Variants in CACNA2D3 observed in about 807,000 individuals in gnomAD.
CACNA2D3 encodes calcium voltage-gated channel auxiliary subunit alpha2delta 3.
A neutral mutation model predicts 160.6 loss-of-function variants in CACNA2D3; 60 were observed. The observed-to-expected ratio is 0.37, with a 90% confidence interval of 0.30 to 0.46. CACNA2D3 has a LOEUF of 0.46. CACNA2D3 is among the 20% of genes least tolerant of loss of function. The pLI, the probability that CACNA2D3 is intolerant of heterozygous loss-of-function variation, is 1.00. For synonymous variants in CACNA2D3, 558 were observed against 492.9 expected (o/e 1.13, Z -1.75); for missense variants, 1,205 against 1,365.0 (o/e 0.88, Z 1.85).
At chr3:54,774,707 T>G (rs1702393122) in intron 13 of CACNA2D3, among the ~76,000 whole-genome samples, 1 of 143,048 alleles carries the variant, frequency 7.0e-6, no homozygotes, top group Non-Finnish European at 1.5e-5. Context: ...CGATCTTGGC[T>G]CACTGCAACT....
intron 35 of CACNA2D3, among the ~76,000 whole-genome samples, chr3:55,064,557 C>T (rs1283898378): frequency 6.6e-6 from 1 of 152,194 alleles, no homozygotes; most frequent in African/African-American, 2.4e-5. Flanking sequence ...CACTCCTGTG[C>T]ATGCCCCATT....
chr3:54,631,295 G>A (rs551327111), intron 10 of CACNA2D3, among the ~76,000 whole-genome samples: 3 of 151,558 alleles, frequency 2.0e-5, no homozygotes, highest in Non-Finnish European at 2.9e-5. Flanking sequence ...CACTATATTT[G>A]TTTGAGTGCA....
At chr3:54,973,029 G>GT (rs1163245832) in intron 29 of CACNA2D3, among the ~76,000 whole-genome samples, 1 of 152,118 alleles carries the variant, frequency 6.6e-6, no homozygotes, top group African/African-American at 2.4e-5. Flanking sequence ...ATCAATTGTG[G>GT]TAAGTCCTGC....
At chr3:54,829,219 G>A (rs1246864292) in intron 14 of CACNA2D3, among the ~76,000 whole-genome samples, 2 of 152,182 alleles carry the variant, frequency 1.3e-5, no homozygotes, top group Non-Finnish European at 2.9e-5. Flanking sequence ...TTTCACCTGT[G>A]TTCTTCCTCC....
intron 27 of CACNA2D3, among the ~76,000 whole-genome samples, chr3:54,939,057 G>A (rs1701395276): frequency 6.6e-6 from 1 of 152,192 alleles, no homozygotes; most frequent in Non-Finnish European, 1.5e-5. Context: ...GGATAATGAG[G>A]CACTGTTATT....
chr3:54,811,451 G>A (rs988308808), intron 13 of CACNA2D3, among the ~76,000 whole-genome samples: 4 of 132,066 alleles, frequency 3.0e-5, no homozygotes, highest in Non-Finnish European at 6.3e-5. Context: ...TGCTGATCCT[G>A]TTCTCCCTCA....
intron 14 of CACNA2D3, among the ~76,000 whole-genome samples, chr3:54,833,499 C>T (rs1703924279): frequency 6.6e-6 from 1 of 151,662 alleles, no homozygotes; most frequent in African/African-American, 2.4e-5. Context: ...GTTGGGGGGC[C>T]ACAGAAAAGC....
At chr3:54,964,407 T>G (rs1702097450) in intron 27 of CACNA2D3, among the ~76,000 whole-genome samples, 1 of 124,470 alleles carries the variant, frequency 8.0e-6, no homozygotes, top group Non-Finnish European at 1.8e-5. Context: ...CCAGGAATGG[T>G]GATTTTTTTT....
At chr3:54,401,945 G>T (rs1390944069) in intron 4 of CACNA2D3, among the ~76,000 whole-genome samples, 1 of 152,088 alleles carries the variant, frequency 6.6e-6, no homozygotes, top group East Asian at 1.9e-4. Flanking sequence ...CATTAATTAA[G>T]AAATGCTTAA....
At position 54,451,229 on chromosome 3, in the gene CACNA2D3, C is replaced by CTTTTTTTTTTTTTTTTTTTTTT. The variant is rs71074970; in HGVS notation, c.382-52252_382-52231dup. Among the ~76,000 whole-genome samples, 4 of 51,754 alleles carry CTTTTTTTTTTTTTTTTTTTTTT rather than the reference C, an allele frequency of 7.7e-5. 2 individuals are homozygous for CTTTTTTTTTTTTTTTTTTTTTT. The highest frequency in any genetic ancestry group is 1.3e-4 in the Non-Finnish European group (4 of 31,614). The allele number at this position is 51,754 out of a possible 152,430, so 34.0% of individuals were successfully genotyped here. The stretch of plus-strand genomic sequence containing the variant: ...TGTCCCTTTCTGCTGATATAATAAT[C>CTTTTTTTTTTTTTTTTTTTTTT]TTTTTTTTTTTTTTTTTTTTTTTTT... On this transcript the variant is annotated intron_variant, in intron 4 of 37. Transcript: ENST00000474759.
At chr3:54,252,133 C>A (rs191915823) in intron 2 of CACNA2D3, among the ~76,000 whole-genome samples, 1 of 117,314 alleles carries the variant, frequency 8.5e-6, no homozygotes, top group Non-Finnish European at 1.6e-5. Flanking sequence ...CTCTCCGTCT[C>A]TCCCATTCCC....
chr3:54,668,824 T>G (rs991986348), intron 11 of CACNA2D3, among the ~76,000 whole-genome samples: 1 of 152,196 alleles, frequency 6.6e-6, no homozygotes, highest in Non-Finnish European at 1.5e-5. Context: ...AGGCATCTAG[T>G]CTCTGTCAGG....
intron 11 of CACNA2D3, among the ~76,000 whole-genome samples, chr3:54,676,003 C>T (rs954913658): frequency 3.3e-5 from 5 of 152,174 alleles, no homozygotes; most frequent in African/African-American, 1.2e-4. Flanking sequence ...GCAGAAATGG[C>T]CTTCTTTGAA....
intron 4 of CACNA2D3, among the ~76,000 whole-genome samples, chr3:54,409,979 G>T (rs1207137970): frequency 1.3e-5 from 2 of 152,204 alleles, no homozygotes; most frequent in African/African-American, 4.8e-5. Context: ...ATTGATGAAG[G>T]TGGCTATAGA....
At chr3:54,273,980 A>G (rs897277862) in intron 2 of CACNA2D3, among the ~76,000 whole-genome samples, 1 of 151,996 alleles carries the variant, frequency 6.6e-6, no homozygotes, top group Non-Finnish European at 1.5e-5. Context: ...CTAAGTGTGT[A>G]GGTCCTGTGA....
intron 11 of CACNA2D3, among the ~76,000 whole-genome samples, chr3:54,674,362 AGAGT>A (rs3030915): frequency 1 from 152,120 of 152,122 alleles, 76,059 homozygotes; most frequent in Middle Eastern, 1. Flanking sequence ...GTTGGAAGTT[AGAGT>A]GAGTGAGAAG....
In CACNA2D3 at chr3:54,852,828, A is replaced by G. The variant is rs116917231; in HGVS notation, c.1626+6361A>G. Among the ~76,000 whole-genome samples, 222 of 152,324 alleles carry G rather than the reference A, an allele frequency of 1.5e-3. 4 individuals are homozygous for G. The East Asian group carries it at 0.033, about 23-fold the overall frequency. On this transcript the variant is annotated intron_variant, in intron 17 of 37. Coordinates refer to ENST00000474759, the MANE Select transcript of CACNA2D3 (RefSeq NM_018398.3). ...AATGCTAACTAGACAGTGCACATCA[A>G]ACATCAGTTTAAATAAGGGTTTAAA...
chr3:54,823,369 A>G (rs1703683629), intron 14 of CACNA2D3, among the ~76,000 whole-genome samples: 1 of 151,364 alleles, frequency 6.6e-6, no homozygotes, highest in African/African-American at 2.4e-5. Flanking sequence ...ATTACATTTT[A>G]TTATTAACTT....
intron 11 of CACNA2D3, among the ~76,000 whole-genome samples, chr3:54,713,654 C>T (rs182438074): frequency 2.0e-5 from 3 of 152,266 alleles, no homozygotes; most frequent in Admixed American, 1.3e-4. Flanking sequence ...GTTCACACAA[C>T]GTAAGTGCTT....
Sources: gnomAD v4.1 joint callset for allele counts (sites outside exome capture counted in the v4.1 genomes callset) on GRCh38, gnomAD v4.1.1 for gene constraint, MANE v1.5 for transcripts, NCBI Gene and HGNC (gene_info 2026-07-23, HGNC 2026-07-21) for gene names.